DLC1: variants seen among roughly 807,000 people sequenced by gnomAD.
DLC1 encodes the protein rho GTPase-activating protein 7.
DLC1 carries 54 observed loss-of-function variants against 140.3 expected under a neutral mutation model. That is an observed-to-expected ratio of 0.38 (90% confidence interval 0.31 to 0.48). DLC1 has a LOEUF of 0.48. Ranked by LOEUF, DLC1 falls within the 20% of genes least tolerant of loss-of-function variation. DLC1 has a pLI of 0.96. For missense variants in DLC1, 2,536 were observed against 1,907.0 expected, an observed-to-expected ratio of 1.33 and a Z score of -6.14; for synonymous variants, 986 against 728.1, an observed-to-expected ratio of 1.35 and a Z score of -5.70.
At chr8:13,282,993 A>C (rs1831415862) in intron 5 of DLC1, among the ~76,000 whole-genome samples, 1 of 152,184 alleles carries the variant, frequency 6.6e-6, no homozygotes, top group South Asian at 2.1e-4. Context: ...GATTATAACA[A>C]TTATCAACCA....
At chr8:13,439,317 C>A (rs1300997087) in intron 2 of DLC1, among the ~76,000 whole-genome samples, 1 of 151,948 alleles carries the variant, frequency 6.6e-6, no homozygotes, top group Admixed American at 6.6e-5. Flanking sequence ...GAGTGAGAGT[C>A]CATGTCAAAA....
At chr8:13,466,193 C>T (rs534759849) in intron 2 of DLC1, among the ~76,000 whole-genome samples, 9 of 152,136 alleles carry the variant, frequency 5.9e-5, no homozygotes, top group Admixed American at 5.2e-4. Context: ...GGTAACACCC[C>T]GGGCCCCAAT....
At chr8:13,204,467 T>C (rs1421896171) in intron 5 of DLC1, among the ~76,000 whole-genome samples, 1 of 152,194 alleles carries the variant, frequency 6.6e-6, no homozygotes, top group Non-Finnish European at 1.5e-5. Context: ...TGAGCAAGGA[T>C]TAAATTTCAG....
At chr8:13,197,501 C>T (rs1167661003) in intron 5 of DLC1, among the ~76,000 whole-genome samples, 4 of 151,862 alleles carry the variant, frequency 2.6e-5, no homozygotes, top group African/African-American at 7.3e-5. Flanking sequence ...GGCCCGCCAA[C>T]AAGCCCGGCT....
chr8:13,138,145 CT>C (rs1276417654), intron 5 of DLC1, among the ~76,000 whole-genome samples: 7 of 152,120 alleles, frequency 4.6e-5, no homozygotes, highest in African/African-American at 9.7e-5. Flanking sequence ...TTAAAAAACA[CT>C]AAAGCACTGA....
At chr8:13,150,444 T>G (rs2128976912) in intron 5 of DLC1, among the ~76,000 whole-genome samples, 1 of 152,300 alleles carries the variant, frequency 6.6e-6, no homozygotes, top group South Asian at 2.1e-4. Flanking sequence ...ACTCACTGTA[T>G]TGCCCTTAAC....
chr8:13,542,486 T>C (rs892884269), intron 1 of DLC1, among the ~76,000 whole-genome samples: 1 of 152,158 alleles, frequency 6.6e-6, no homozygotes, highest in Non-Finnish European at 1.5e-5. Flanking sequence ...TTCCAAAAAT[T>C]GTTTTGGCTA....
chr8:13,497,729 G>C (rs1376420186), intron 2 of DLC1, among the ~76,000 whole-genome samples: 1 of 152,164 alleles, frequency 6.6e-6, no homozygotes, highest in Non-Finnish European at 1.5e-5. Flanking sequence ...CCCTCAAACA[G>C]ATTTGATAGG....
chr8:13,401,327 T>A, intron 3 of DLC1, 143 bp downstream of exon 3: 16 of 951,570 alleles, frequency 1.7e-5, no homozygotes, highest in Non-Finnish European at 1.0e-5. Flanking sequence ...TGCATAGAAG[T>A]ATTTTGGTTA....
chr8:13,412,450 C>T (rs924011371), intron 2 of DLC1, among the ~76,000 whole-genome samples: 1 of 152,038 alleles, frequency 6.6e-6, no homozygotes, highest in Non-Finnish European at 1.5e-5. Context: ...ATAATCAATA[C>T]TGTCTTCGTT....
At position 13,100,402 on chromosome 8, in the gene DLC1, T is replaced by G; in HGVS notation, c.1935A>C (p.Glu645Asp). ...DSFGSLPSPKELSSFSFSMKG... is the reference protein window; with the variant it reads ...DSFGSLPSPKDLSSFSFSMKG... ...TCATGCTGAAGCTGAAGCTGGACAGTTCCTTGGGAGAGGGCAGGCTGCCGA... is the reference window on the plus strand; with the variant it reads ...TCATGCTGAAGCTGAAGCTGGACAGGTCCTTGGGAGAGGGCAGGCTGCCGA... The change falls in exon 9 of 18, where the codon GAA (glutamate) becomes GAC (aspartate). Residue 645 changes from glutamate (E) to aspartate (D), a missense_variant. Transcript: ENST00000276297. 1.9e-6 allele frequency: 3 copies of G among 1,614,142 alleles called. No individual in the cohort carries two copies. The highest frequency in any genetic ancestry group is 2.5e-6 in the Non-Finnish European group (3 of 1,180,006).
In DLC1 at chr8:13,085,098, A is replaced by G. The variant is rs1817446353; in HGVS notation, c.*713T>C. 6.6e-6 allele frequency: 1 copy of G among 152,264 alleles called. No individual in the cohort carries two copies. The allele number at this position is 152,264 out of a possible 1,614,324, so 9.4% of individuals were successfully genotyped here. ...AATAAACTGCATTTGGAATGGGTGT[A>G]AGAGCCAACCTATTACAATCAAAGT... On this transcript the variant is annotated 3_prime_UTR_variant, in exon 18 of 18. Transcript: ENST00000276297.
chr8:13,379,067 A>C (rs889761457), intron 4 of DLC1, among the ~76,000 whole-genome samples: 2 of 152,204 alleles, frequency 1.3e-5, no homozygotes, highest in South Asian at 4.1e-4. Context: ...ATTTTAATGA[A>C]AGTTTTCACA....
chr8:13,234,956 G>A (rs1298435833), intron 5 of DLC1, among the ~76,000 whole-genome samples: 1 of 152,092 alleles, frequency 6.6e-6, no homozygotes, highest in East Asian at 1.9e-4. Context: ...TAAAAGTATG[G>A]AGAGCAAAGA....
rs1361885820 is a variant in DLC1 at position 13,088,708 on chromosome 8, G to C, written c.4075-4C>G. 6.2e-7 allele frequency: 1 copy of C among 1,613,618 alleles called. No homozygotes were observed. The highest frequency in any genetic ancestry group is 1.3e-5 in the African/African-American group (1 of 74,866). On this transcript the variant is annotated splice_polypyrimidine_tract_variant and splice_region_variant and intron_variant, in intron 15 of 17. Coordinates refer to ENST00000276297, the MANE Select transcript of DLC1 (RefSeq NM_182643.3). ...TCAGAGGGGGTCCTTCGCTCACCTGGAAAGAGGATGTATTTTTCAGTGCCA... is the reference window on the plus strand; with the variant it reads ...TCAGAGGGGGTCCTTCGCTCACCTGCAAAGAGGATGTATTTTTCAGTGCCA...
At chr8:13,102,078 G>A (rs1819140775) in intron 8 of DLC1, among the ~76,000 whole-genome samples, 1 of 152,158 alleles carries the variant, frequency 6.6e-6, no homozygotes, top group African/African-American at 2.4e-5. Flanking sequence ...GCAACTTTTT[G>A]CAGCTCAGGG....
At chr8:13,434,843 C>A (rs538468181) in intron 2 of DLC1, among the ~76,000 whole-genome samples, 2 of 151,930 alleles carry the variant, frequency 1.3e-5, no homozygotes, top group Non-Finnish European at 2.9e-5. Context: ...ACACACCTGG[C>A]GAATTTTTGT....
chr8:13,522,316 G>A (rs117821088), intron 1 of DLC1, among the ~76,000 whole-genome samples: 3,804 of 152,122 alleles, frequency 0.025, 72 homozygotes, highest in South Asian at 0.076. Flanking sequence ...TGGGGGGTAC[G>A]GAATTGGTAA....
At chr8:13,187,297 T>A (rs1826436094) in intron 5 of DLC1, among the ~76,000 whole-genome samples, 2 of 152,174 alleles carry the variant, frequency 1.3e-5, no homozygotes, top group South Asian at 4.1e-4. Context: ...CACTGATGTG[T>A]CCCTGGAGCA....
Sources: gnomAD v4.1 joint callset for allele counts (sites outside exome capture counted in the v4.1 genomes callset) on GRCh38, gnomAD v4.1.1 for gene constraint, MANE v1.5 for transcripts, NCBI Gene and HGNC (gene_info 2026-07-23, HGNC 2026-07-21) for gene names.